The following SORCS2 variants were observed in gnomAD, a reference collection of about 807,000 sequenced individuals.
SORCS2 encodes the protein sortilin related VPS10 domain containing receptor 2, also known as VPS10 domain-containing receptor SorCS2.
In SORCS2, 100 loss-of-function variants were observed where a neutral mutation model predicts 141.6. The observed-to-expected ratio is 0.71, with a 90% CI of 0.60 to 0.83. The LOEUF (loss-of-function observed/expected upper bound fraction) is 0.83. Among genes scored for constraint, SORCS2 ranks in the 40% least tolerant of loss-of-function variants. The pLI is 0.00. For missense variants in SORCS2, 1,646 were observed against 1,560.2 expected (o/e 1.05, Z -0.93); for synonymous variants, 789 against 676.9 (o/e 1.17, Z -2.57).
chr4:7,721,213 C>G (rs1231652412), intron 18 of SORCS2, among the ~76,000 whole-genome samples: 2 of 152,174 alleles, frequency 1.3e-5, no homozygotes, highest in Non-Finnish European at 2.9e-5. Context: ...GCCTGTGATC[C>G]CAGCAGTTTG....
At chr4:7,596,310 G>A (rs181538422) in intron 3 of SORCS2, among the ~76,000 whole-genome samples, 200 of 152,110 alleles carry the variant, frequency 1.3e-3, no homozygotes, top group Non-Finnish European at 2.3e-3. Context: ...TGTGGTTAGC[G>A]GCTCCCCTCT....
chr4:7,458,635 T>G (rs560344208), intron 2 of SORCS2, among the ~76,000 whole-genome samples: 2 of 152,346 alleles, frequency 1.3e-5, no homozygotes, highest in East Asian at 3.9e-4. Flanking sequence ...TTTCATTTAT[T>G]TGCTCATCAA....
chr4:7,318,046 C>T (rs918920644), intron 1 of SORCS2, among the ~76,000 whole-genome samples: 27 of 152,344 alleles, frequency 1.8e-4, no homozygotes, highest in East Asian at 9.6e-4. Flanking sequence ...GGACGCAGGG[C>T]AGACAGTCGC....
intron 2 of SORCS2, among the ~76,000 whole-genome samples, chr4:7,401,303 A>G (rs1724579439): frequency 6.6e-6 from 1 of 152,146 alleles, no homozygotes; most frequent in Non-Finnish European, 1.5e-5. Flanking sequence ...TGATAAATGG[A>G]TGGATAGGCA....
chr4:7,533,483 G>C (rs1340947930), intron 3 of SORCS2, among the ~76,000 whole-genome samples: 2 of 152,266 alleles, frequency 1.3e-5, no homozygotes, highest in East Asian at 3.9e-4. Flanking sequence ...CCATCCAGCC[G>C]ATCTGGTCCT....
rs1553851222 is a variant in SORCS2 at position 7,377,356 on chromosome 4, C to CG, written c.481-18925dup. Among the ~76,000 whole-genome samples, 26 of 151,556 alleles carry CG rather than the reference C, an allele frequency of 1.7e-4. 1 individual carries two copies. In the South Asian group the frequency reaches 4.0e-3, roughly 23 times the overall value. On this transcript the variant is annotated intron_variant, in intron 1 of 26. Coordinates refer to ENST00000507866, the MANE Select transcript of SORCS2 (RefSeq NM_020777.3). Reference sequence around the variant, plus strand: ...CCCAGTTCCAGAACTGGGGCTGTGACGGGGGGGACAGATCGGACCTTCTGC... The same window carrying CG: ...CCCAGTTCCAGAACTGGGGCTGTGACGGGGGGGGACAGATCGGACCTTCTGC...
chr4:7,616,209 C>T (rs1718744136), intron 3 of SORCS2, among the ~76,000 whole-genome samples: 4 of 152,128 alleles, frequency 2.6e-5, no homozygotes, highest in Admixed American at 2.6e-4. Flanking sequence ...TTACCTTCAT[C>T]TGGAGGCTTC....
At position 7,670,330 on chromosome 4, in the gene SORCS2, C is replaced by G. The variant is rs183468401; in HGVS notation, c.1161+3117C>G. The stretch of plus-strand genomic sequence containing the variant: ...CTTGTCATCATTTTTTTTAAATATT[C>G]ATTTTCCCTAACAGAGGTAAACAAT... On this transcript the variant is annotated intron_variant, in intron 8 of 26. Coordinates refer to ENST00000507866, the MANE Select transcript of SORCS2 (RefSeq NM_020777.3). 9.9e-5 allele frequency among the ~76,000 whole-genome samples: 15 copies of G among 151,714 alleles called. No homozygotes were observed. In the East Asian group the frequency reaches 2.9e-3, roughly 30 times the overall value.
chr4:7,708,497 G>A lies in SORCS2; in HGVS notation c.1868+4213G>A, dbSNP rs895243120. Among the ~76,000 whole-genome samples, 9 of 152,270 alleles carry A rather than the reference G, an allele frequency of 5.9e-5. No individual in the cohort carries two copies. The South Asian group carries it at 8.3e-4, about 14-fold the overall frequency. ...CCGGCCGACCTTTGATCCTGTATCC[G>A]TGTGTTCTCGATGGCATGCGATGGT... On this transcript the variant is annotated intron_variant, in intron 14 of 26. Coordinates refer to ENST00000507866, the MANE Select transcript of SORCS2 (RefSeq NM_020777.3).
rs144572908 is a variant in SORCS2, at chr4:7,371,210, G to A, written c.481-25078G>A. Among the ~76,000 whole-genome samples, 263 of 152,292 alleles carry A rather than the reference G, an allele frequency of 1.7e-3. 2 individuals carry two copies. The highest frequency in any genetic ancestry group is 5.6e-3 in the African/African-American group (234 of 41,564). ...GCTGCATTCCTGCGAAGGTCTATGG[G>A]GATCGTGCCCACGTGTGTACCCGCT... On this transcript the variant is annotated intron_variant, in intron 1 of 26. Transcript: ENST00000507866.
intron 1 of SORCS2, among the ~76,000 whole-genome samples, chr4:7,343,875 C>T (rs1427562460): frequency 6.6e-6 from 1 of 152,186 alleles, no homozygotes; most frequent in African/African-American, 2.4e-5. Flanking sequence ...GAGGGGAGCC[C>T]AAGGCTTCCA....
In SORCS2 at chr4:7,521,724, C is replaced by T. The variant is rs2109506433; in HGVS notation, c.549-9806C>T. ...GAGACTGAGGTTCCAGTCTGGGGTTCCCTTTGGGCAAGTCCCTTTCCCACT... is the reference window on the plus strand; with the variant it reads ...GAGACTGAGGTTCCAGTCTGGGGTTTCCTTTGGGCAAGTCCCTTTCCCACT... On this transcript the variant is annotated intron_variant, in intron 2 of 26. Transcript: ENST00000507866. 1.3e-5 allele frequency among the ~76,000 whole-genome samples: 2 copies of T among 152,350 alleles called. 1 individual carries two copies. Among genetic ancestry groups the T allele is most frequent in the East Asian group, 3.9e-4 (2 of 5,182 alleles).
intron 3 of SORCS2, among the ~76,000 whole-genome samples, chr4:7,559,654 G>C (rs997529127): frequency 6.6e-6 from 1 of 152,184 alleles, no homozygotes; most frequent in Admixed American, 6.5e-5. Context: ...GGGGGCCTGG[G>C]TCTGAGCCTG....
intron 1 of SORCS2, among the ~76,000 whole-genome samples, chr4:7,291,925 C>G (rs1716628448): frequency 1.3e-5 from 2 of 152,226 alleles, no homozygotes; most frequent in Admixed American, 6.5e-5. Context: ...CACAGTAAAA[C>G]TGGGAATGCG....
intron 2 of SORCS2, among the ~76,000 whole-genome samples, chr4:7,517,029 C>T (rs1157549368): frequency 2.0e-5 from 3 of 152,166 alleles, no homozygotes; most frequent in Non-Finnish European, 2.9e-5. Flanking sequence ...CGAGCTAACG[C>T]GTCCAGCATA....
intron 1 of SORCS2, among the ~76,000 whole-genome samples, chr4:7,317,893 A>C (rs1161578554): frequency 6.6e-6 from 1 of 152,112 alleles, no homozygotes; most frequent in Non-Finnish European, 1.5e-5. Context: ...TTGAACGCTG[A>C]GCAGGCGCCC....
At chr4:7,342,804 G>A (rs1433065850) in intron 1 of SORCS2, among the ~76,000 whole-genome samples, 1 of 152,230 alleles carries the variant, frequency 6.6e-6, no homozygotes, top group East Asian at 1.9e-4. Context: ...TATAACGGTT[G>A]TTAACCCGCA....
At chr4:7,624,097 G>A (rs1560434785) in intron 3 of SORCS2, among the ~76,000 whole-genome samples, 1 of 152,154 alleles carries the variant, frequency 6.6e-6, no homozygotes, top group African/African-American at 2.4e-5. Flanking sequence ...ATACAGAAGT[G>A]CTCAATAAAT....
At chr4:7,376,655 C>G (rs942975919) in intron 1 of SORCS2, among the ~76,000 whole-genome samples, 1 of 152,168 alleles carries the variant, frequency 6.6e-6, no homozygotes, top group Non-Finnish European at 1.5e-5. Flanking sequence ...ATATTTTTTT[C>G]TGGTTCATTT....
Sources: gnomAD v4.1 joint callset for allele counts (sites outside exome capture counted in the v4.1 genomes callset) on GRCh38, gnomAD v4.1.1 for gene constraint, MANE v1.5 for transcripts, NCBI Gene and HGNC (gene_info 2026-07-23, HGNC 2026-07-21) for gene names.